AVL9: variants seen among roughly 807,000 people sequenced by gnomAD.
AVL9 encodes the protein AVL9 cell migration associated, also known as late secretory pathway protein AVL9 homolog.
In AVL9, 49 loss-of-function variants were observed where a neutral mutation model predicts 79.2. The observed-to-expected ratio is 0.62, with a 90% confidence interval of 0.49 to 0.79. The LOEUF (loss-of-function observed/expected upper bound fraction) is 0.79, where lower values mean the gene tolerates loss of function less well. AVL9 is among the 30% of genes least tolerant of loss of function. The probability of loss-of-function intolerance (pLI) is 0.00; values close to 1 mark genes in which losing one functional copy is unlikely to be tolerated. For synonymous variants in AVL9, 299 were observed against 280.6 expected, an observed-to-expected ratio of 1.07 and a Z score of -0.65; for missense variants, 682 against 776.8, an observed-to-expected ratio of 0.88 and a Z score of 1.45.
At chr7:32,519,585 G>A (rs906362114) in intron 1 of AVL9, among the ~76,000 whole-genome samples, 1 of 152,112 alleles carries the variant, frequency 6.6e-6, no homozygotes, top group African/African-American at 2.4e-5. Flanking sequence ...TTAAAATCAT[G>A]TTAAGTAACC....
chr7:32,556,655 A>G (rs1361096957), intron 8 of AVL9, among the ~76,000 whole-genome samples: 1 of 152,234 alleles, frequency 6.6e-6, no homozygotes, highest in Non-Finnish European at 1.5e-5. Flanking sequence ...GTGATAAAAT[A>G]CACATAACAT....
At chr7:32,542,670 C>T (rs1789269545) in intron 1 of AVL9, among the ~76,000 whole-genome samples, 1 of 152,174 alleles carries the variant, frequency 6.6e-6, no homozygotes. Flanking sequence ...CAAGTGGCAG[C>T]TTGATTTCAT....
rs188768271 is a variant in AVL9 at position 32,582,638 on chromosome 7, G to A, written c.1832-1154G>A. 8.5e-5 allele frequency among the ~76,000 whole-genome samples: 13 copies of A among 152,182 alleles called. No individual in the cohort carries two copies. In the South Asian group the frequency reaches 1.9e-3, roughly 22 times the overall value. On this transcript the variant is annotated intron_variant, in intron 15 of 15. Coordinates refer to ENST00000318709, the MANE Select transcript of AVL9 (RefSeq NM_015060.3). ...AGCCAAATCTCTTCTATACTCTTCT[G>A]TCCAAGAATAGTGGGAGTGTATTAG...
At chr7:32,575,901 C>A in intron 12 of AVL9, 54 bp from the exon 13 acceptor site, 1 of 1,276,932 alleles carries the variant, frequency 7.8e-7, no homozygotes, top group Non-Finnish European at 1.1e-6. Flanking sequence ...ATAATCTTCA[C>A]ATCCCTGAAT....
intron 1 of AVL9, chr7:32,531,561 G>C (rs1285911883): frequency 6.6e-6 from 1 of 151,950 alleles, no homozygotes; most frequent in Non-Finnish European, 1.5e-5. Flanking sequence ...CCCTTTGCGG[G>C]ACTCACAACA....
In AVL9 at chr7:32,544,750, A is replaced by G. The variant is rs199797959; in HGVS notation, c.271A>G (p.Ile91Val). 2.5e-5 allele frequency: 41 copies of G among 1,613,722 alleles called. No homozygotes were observed. The highest frequency in any genetic ancestry group is 1.3e-5 in the African/African-American group (1 of 74,918). Residue 91 changes from isoleucine to valine, a missense_variant, in exon 3 of 16, where the codon ATC becomes GTC. Coordinates refer to ENST00000318709, the MANE Select transcript of AVL9 (RefSeq NM_015060.3). ...RNGNGATVFG[I>V]SCYRQIEAKA... ...TGGAAATGGAGCCACAGTATTTGGTATCTCTTGCTATCGACAAATTGAAGC... is the reference window on the plus strand; with the variant it reads ...TGGAAATGGAGCCACAGTATTTGGTGTCTCTTGCTATCGACAAATTGAAGC...
chr7:32,579,433 T>C (rs1298836713), intron 13 of AVL9, among the ~76,000 whole-genome samples: 39 of 3,032 alleles, frequency 0.013, 13 homozygotes, highest in African/African-American at 0.036. Context: ...ATATAATATA[T>C]ATATTATATA....
chr7:32,503,359 GAGATATAT>G (rs1229128597), intron 1 of AVL9, among the ~76,000 whole-genome samples: 1 of 88,506 alleles, frequency 1.1e-5, no homozygotes, highest in African/African-American at 4.6e-5. Context: ...TAGATATAGA[GAGATATAT>G]ATATATACAC....
intron 1 of AVL9, chr7:32,531,555 T>C (rs1233887929): frequency 6.6e-6 from 1 of 152,020 alleles, no homozygotes; most frequent in African/African-American, 2.4e-5. Context: ...CCTGACCCCT[T>C]TGCGGGACTC....
At chr7:32,535,817 A>G (rs1788879468) in intron 1 of AVL9, 1 of 152,162 alleles carries the variant, frequency 6.6e-6, no homozygotes, top group Admixed American at 6.5e-5. Context: ...CCACGTGTCA[A>G]TGGCAGGACC....
chr7:32,519,535 G>C (rs572457880), intron 1 of AVL9, among the ~76,000 whole-genome samples: 1 of 151,958 alleles, frequency 6.6e-6, no homozygotes, highest in Non-Finnish European at 1.5e-5. Context: ...GATTAATTTG[G>C]TAAACTTAAT....
In AVL9 at chr7:32,584,948, T is replaced by C. The variant is rs1293982103; in HGVS notation, c.*1041T>C. 6.6e-6 allele frequency: 1 copy of C among 152,204 alleles called. No homozygotes were observed. Among genetic ancestry groups the C allele is most frequent in the African/African-American group, 2.4e-5 (1 of 41,430 alleles). The allele number at this position is 152,204 out of a possible 1,614,324, so 9.4% of individuals were successfully genotyped here. A position where few individuals can be genotyped will look rare whatever the true frequency, so the allele number is the denominator to read the frequency against. On this transcript the variant is annotated 3_prime_UTR_variant, in exon 16 of 16. Transcript: ENST00000318709. ...CCATGCCCAGCTAATTATTGTATTT[T>C]TAGTAGAGACGGGGTTTTGCCATGT...
intron 15 of AVL9, among the ~76,000 whole-genome samples, chr7:32,583,522 T>C (rs1791612667): frequency 6.6e-6 from 1 of 151,768 alleles, no homozygotes; most frequent in African/African-American, 2.4e-5. Flanking sequence ...CTACAAAAAA[T>C]CAAAAAATTA....
intron 14 of AVL9, 32 bp downstream of exon 14, chr7:32,580,304 C>CT: frequency 6.5e-7 from 1 of 1,547,952 alleles, no homozygotes. Context: ...TGGGAAAATT[C>CT]TTAAGTCTGA....
chr7:32,517,922 A>G (rs923292703), intron 1 of AVL9, among the ~76,000 whole-genome samples: 6 of 151,612 alleles, frequency 4.0e-5, no homozygotes, highest in Non-Finnish European at 7.4e-5. Flanking sequence ...ACCTCTACCT[A>G]CCAGGCTCAA....
At chr7:32,520,066 GTA>G (rs948194117) in intron 1 of AVL9, among the ~76,000 whole-genome samples, 1 of 152,164 alleles carries the variant, frequency 6.6e-6, no homozygotes, top group African/African-American at 2.4e-5. Flanking sequence ...CTGACATTGA[GTA>G]TTATGATTCA....
intron 10 of AVL9, among the ~76,000 whole-genome samples, chr7:32,561,267 G>GT (rs1320353317): frequency 6.6e-6 from 1 of 152,222 alleles, no homozygotes; most frequent in East Asian, 1.9e-4. Context: ...ATAGAAAGCT[G>GT]TTTTGTCTTT....
chr7:32,525,158 A>C (rs1045067906), intron 1 of AVL9, among the ~76,000 whole-genome samples: 2 of 152,238 alleles, frequency 1.3e-5, no homozygotes, highest in African/African-American at 4.8e-5. Flanking sequence ...AGGGTCAAAA[A>C]AATTTATTTT....
intron 13 of AVL9, 162 bp from the exon 14 acceptor site, chr7:32,580,057 A>G: frequency 1.7e-6 from 1 of 604,022 alleles, no homozygotes; most frequent in East Asian, 2.9e-5. Context: ...TCGTCACTGT[A>G]AGTGGAGAGC....
Sources: allele counts gnomAD v4.1 joint callset (sites outside exome capture counted in the v4.1 genomes callset), GRCh38; gene constraint gnomAD v4.1.1; transcripts MANE v1.5; gene names NCBI Gene and HGNC (gene_info 2026-07-23, HGNC 2026-07-21).